The following SLC25A14 variants were observed in gnomAD, a reference collection of about 807,000 sequenced individuals.
The protein encoded by SLC25A14 is solute carrier family 25 member 14.
SLC25A14 carries 8 observed loss-of-function variants against 28.1 expected under a neutral mutation model. The observed-to-expected ratio is 0.28, with a 90% CI of 0.17 to 0.51. The LOEUF is 0.51. SLC25A14 is among the 20% of genes least tolerant of loss of function. The pLI is 0.97. For synonymous variants in SLC25A14, 74 were observed against 90.6 expected (o/e 0.82, Z 1.04); for missense variants, 135 against 263.8 (o/e 0.51, Z 3.38).
chrX:130,342,236 A>T (rs2033281868), intron 2 of SLC25A14, among the ~76,000 whole-genome samples: 1 of 111,873 alleles, frequency 8.9e-6, no homozygotes, highest in East Asian at 2.8e-4. Context: ...TTCAAAAAAT[A>T]TTGCACACCT....
At chrX:130,367,140 A>G (rs1361259734) in intron 9 of SLC25A14, among the ~76,000 whole-genome samples, 2 of 112,129 alleles carry the variant, frequency 1.8e-5, no homozygotes, top group African/African-American at 3.2e-5. Context: ...TGGAGACCAC[A>G]CTTGGAGAAC....
chrX:130,347,066 T>C (rs183064139), intron 4 of SLC25A14, among the ~76,000 whole-genome samples: 12 of 111,332 alleles, frequency 1.1e-4, no homozygotes, highest in African/African-American at 3.9e-4. Flanking sequence ...AATATTATTC[T>C]TGCAGTTTAA....
rs1050354662 is a variant in SLC25A14 at position 130,339,986 on chromosome X, A to AT, written c.-173+10_-173+11insT. ...CGATGAGCCCGAGCAGGTGAGGGGG[A>AT]GCTCCTGGACTTCCAGGCTGGGGAG... On this transcript the variant is annotated intron_variant, in intron 1 of 10. Coordinates refer to ENST00000545805, the MANE Select transcript of SLC25A14 (RefSeq NM_001282195.2). The AT allele has an allele frequency of 1.7e-5, 15 of 906,118 alleles. No homozygotes were observed. The highest frequency in any genetic ancestry group is 1.9e-5 in the Non-Finnish European group (14 of 737,143). 74.7% of individuals were successfully genotyped at this position (906,118 alleles called of 1,213,427 possible).
chrX:130,360,547 A>G (rs1158912522), intron 7 of SLC25A14, among the ~76,000 whole-genome samples: 1 of 111,806 alleles, frequency 8.9e-6, no homozygotes, highest in Non-Finnish European at 1.9e-5. Flanking sequence ...TAATATGCAT[A>G]TATCCTAATA....
intron 7 of SLC25A14, among the ~76,000 whole-genome samples, chrX:130,360,068 C>CTT (rs757656939): frequency 3.0e-5 from 3 of 101,609 alleles, no homozygotes; most frequent in Non-Finnish European, 4.0e-5. Flanking sequence ...TTCCTTCCTC[C>CTT]TTTTTTTTTT....
chrX:130,352,730 G>C lies in SLC25A14; in HGVS notation c.498+1999G>C, dbSNP rs150351727. 6.5e-3 allele frequency among the ~76,000 whole-genome samples: 725 copies of C among 112,035 alleles called. 7 individuals carry two copies. The highest frequency in any genetic ancestry group is 0.023 in the African/African-American group (700 of 30,890). On this transcript the variant is annotated intron_variant, in intron 6 of 10. Transcript: ENST00000545805. ...GTATGTCTTCTTTTGAGAAGTGTCCGTTCATGTCTTTTGCCTACTTTTTAA... is the reference window on the plus strand; with the variant it reads ...GTATGTCTTCTTTTGAGAAGTGTCCCTTCATGTCTTTTGCCTACTTTTTAA...
At chrX:130,366,742 T>C (rs2034127742) in intron 9 of SLC25A14, among the ~76,000 whole-genome samples, 1 of 112,360 alleles carries the variant, frequency 8.9e-6, no homozygotes, top group South Asian at 3.7e-4. Context: ...GCTTTGCATT[T>C]TAAATAGATT....
intron 9 of SLC25A14, among the ~76,000 whole-genome samples, chrX:130,367,104 C>T (rs769798769): frequency 1.2e-3 from 129 of 111,958 alleles, no homozygotes; most frequent in African/African-American, 3.7e-3. Flanking sequence ...TTAATAAATT[C>T]CCAGGCAATA....
At chrX:130,359,548 T>G (rs1039641544) in intron 7 of SLC25A14, among the ~76,000 whole-genome samples, 1 of 110,164 alleles carries the variant, frequency 9.1e-6, no homozygotes, top group Non-Finnish European at 1.9e-5. Context: ...CAGTCTTCTA[T>G]CTATACTTTG....
chrX:130,347,598 A>G (rs1021053481), intron 4 of SLC25A14, among the ~76,000 whole-genome samples: 7 of 111,760 alleles, frequency 6.3e-5, no homozygotes, highest in African/African-American at 2.3e-4. Flanking sequence ...GAGAACTTAA[A>G]TAGGGTGGAA....
rs2033870564 is a variant in SLC25A14 at position 130,358,770 on chromosome X, T to TG, written c.594+35_594+36insG. ...CTTTTCCTGCTATTATCCTACACTCTCAGTTCCTACAATTTGCAGAGAATT... is the reference window on the plus strand; with the variant it reads ...CTTTTCCTGCTATTATCCTACACTCTGCAGTTCCTACAATTTGCAGAGAATT... On this transcript the variant is annotated intron_variant, in intron 7 of 10. Coordinates refer to ENST00000545805, the MANE Select transcript of SLC25A14 (RefSeq NM_001282195.2). The TG allele has an allele frequency of 1.9e-5, 18 of 960,307 alleles. 1 individual carries two copies. Among genetic ancestry groups the TG allele is most frequent in the African/African-American group, 1.5e-4 (8 of 51,699 alleles). 79.1% of individuals were successfully genotyped at this position (960,307 alleles called of 1,213,427 possible).
At chrX:130,372,874 A>G in intron 10 of SLC25A14, 35 bp from the exon 11 acceptor site, 1 of 1,068,571 alleles carries the variant, frequency 9.4e-7, no homozygotes, top group Non-Finnish European at 1.3e-6. Context: ...GGCTTTCGAT[A>G]TCAACCTGGT....
intron 10 of SLC25A14, among the ~76,000 whole-genome samples, chrX:130,372,379 G>A (rs192892901): frequency 5.4e-5 from 6 of 111,629 alleles, no homozygotes; most frequent in African/African-American, 1.6e-4. Flanking sequence ...TATGTTGTTC[G>A]ATGCCAGTGA....
intron 1 of SLC25A14, 43 bp from the exon 2 acceptor site, chrX:130,340,064 C>T: frequency 9.7e-7 from 1 of 1,027,374 alleles, no homozygotes; most frequent in Non-Finnish European, 1.2e-6. Context: ...GGTTCCCGGC[C>T]TGGGAGGGGC....
At chrX:130,365,036 A>G in intron 8 of SLC25A14, 2 of 608,830 alleles carry the variant, frequency 3.3e-6, no homozygotes, top group Non-Finnish European at 2.0e-6. Context: ...TAATAAGCAC[A>G]TCTATTATTT....
chrX:130,353,151 C>T (rs2179671), intron 6 of SLC25A14, among the ~76,000 whole-genome samples: 15,544 of 111,100 alleles, frequency 0.14, 970 homozygotes, highest in African/African-American at 0.24. Context: ...TGTCCCAGTA[C>T]CATTTATTGA....
chrX:130,358,617 AT>A lies in SLC25A14; in HGVS notation c.499-22del, dbSNP rs753197617. ...TTTTGGTTCTCTCTGACAAAATAAG[AT>A]GTTCACCTCTTTTCATTTTAGATTC... On this transcript the variant is annotated intron_variant, in intron 6 of 10. Coordinates refer to ENST00000545805, the MANE Select transcript of SLC25A14 (RefSeq NM_001282195.2). The A allele has an allele frequency of 1.0e-5, 10 of 1,003,778 alleles. 1 individual carries two copies. The South Asian group carries it at 1.8e-4, about 18-fold the overall frequency. 82.7% of individuals were successfully genotyped at this position (1,003,778 alleles called of 1,213,427 possible).
chrX:130,354,912 C>T (rs1011808972), intron 6 of SLC25A14, among the ~76,000 whole-genome samples: 2 of 112,065 alleles, frequency 1.8e-5, no homozygotes, highest in African/African-American at 6.5e-5. Context: ...ATCAAACCTA[C>T]ATTCCAGCCC....
chrX:130,353,074 G>T (rs1377419931), intron 6 of SLC25A14, among the ~76,000 whole-genome samples: 1 of 111,922 alleles, frequency 8.9e-6, no homozygotes, highest in African/African-American at 3.2e-5. Flanking sequence ...AATCTGTCTT[G>T]AGTTAATTTT....
Sources: gnomAD v4.1 joint callset for allele counts (sites outside exome capture counted in the v4.1 genomes callset) on GRCh38, gnomAD v4.1.1 for gene constraint, MANE v1.5 for transcripts, NCBI Gene and HGNC (gene_info 2026-07-23, HGNC 2026-07-21) for gene names.